The following AFDN variants were observed in gnomAD, a reference collection of about 807,000 sequenced individuals.
AFDN encodes the protein afadin, adherens junction formation factor.
In AFDN, 68 loss-of-function variants were observed where a neutral mutation model predicts 216.6. That is an observed-to-expected ratio of 0.31 (90% confidence interval 0.26 to 0.38). The LOEUF is 0.38. Among genes scored for constraint, AFDN ranks in the 10% least tolerant of loss-of-function variants. The pLI is 1.00. For synonymous variants in AFDN, 868 were observed against 853.7 expected (o/e 1.02, Z -0.29); for missense variants, 2,136 against 2,342.0 (o/e 0.91, Z 1.82).
intron 1 of AFDN, among the ~76,000 whole-genome samples, chr6:167,844,383 T>A (rs1022297898): frequency 6.6e-6 from 1 of 152,216 alleles, no homozygotes; most frequent in Non-Finnish European, 1.5e-5. Context: ...TATACACTTT[T>A]CTGCAACATG....
intron 1 of AFDN, among the ~76,000 whole-genome samples, chr6:167,858,571 G>A (rs9505709): frequency 0.2 from 30,812 of 152,174 alleles, 3,524 homozygotes; most frequent in Middle Eastern, 0.28. Flanking sequence ...GCATTAAGAT[G>A]TACTTCTAGT....
At chr6:167,853,713 T>C (rs1782571033) in intron 1 of AFDN, among the ~76,000 whole-genome samples, 1 of 152,104 alleles carries the variant, frequency 6.6e-6, no homozygotes, top group South Asian at 2.1e-4. Context: ...TCCTGTCTTT[T>C]CATATAATAG....
intron 20 of AFDN, 108 bp downstream of exon 20, chr6:167,917,340 C>A (rs1317562379): frequency 2.6e-6 from 3 of 1,176,358 alleles, no homozygotes; most frequent in Non-Finnish European, 2.3e-6. Context: ...CTTATTTATT[C>A]TCATCTTACA....
intron 18 of AFDN, among the ~76,000 whole-genome samples, 187 bp downstream of exon 18, chr6:167,914,925 A>G (rs1790851626): frequency 6.6e-6 from 1 of 152,236 alleles, no homozygotes. Context: ...TTGGTGTGTC[A>G]TGCTGGCCAT....
In AFDN at chr6:167,870,502, G is replaced by A; in HGVS notation, c.414+4G>A. The stretch of plus-strand genomic sequence containing the variant: ...GAATGACGCCATTCCTCCTAAGGTA[G>A]GAACCCTCAGTATTTTATGACGGTC... On this transcript the variant is annotated splice_donor_region_variant and intron_variant, in intron 3 of 33. Transcript: ENST00000683244. 6.4e-7 allele frequency: 1 copy of A among 1,573,566 alleles called. No homozygotes were observed.
intron 1 of AFDN, among the ~76,000 whole-genome samples, chr6:167,839,177 CATTTT>C (rs1780776716): frequency 6.6e-6 from 1 of 152,056 alleles, no homozygotes; most frequent in African/African-American, 2.4e-5. Flanking sequence ...GCATCTTAGA[CATTTT>C]ATTTTAGTAT....
At chr6:167,876,198 G>T (rs1785360641) in intron 5 of AFDN, among the ~76,000 whole-genome samples, 1 of 152,084 alleles carries the variant, frequency 6.6e-6, no homozygotes, top group Non-Finnish European at 1.5e-5. Context: ...GGGAACGTTG[G>T]CCCACCCTAG....
At chr6:167,879,177 T>A (rs1785802316) in intron 5 of AFDN, among the ~76,000 whole-genome samples, 1 of 152,154 alleles carries the variant, frequency 6.6e-6, no homozygotes, top group Non-Finnish European at 1.5e-5. Flanking sequence ...ATGGTAAAGA[T>A]GTGCTGCAAC....
chr6:167,834,993 G>A (rs1780260881), intron 1 of AFDN, among the ~76,000 whole-genome samples: 1 of 152,070 alleles, frequency 6.6e-6, no homozygotes, highest in Non-Finnish European at 1.5e-5. Context: ...TCTCAAAAAA[G>A]AAAAACATTT....
At chr6:167,842,608 A>G (rs1781197570) in intron 1 of AFDN, among the ~76,000 whole-genome samples, 2 of 152,058 alleles carry the variant, frequency 1.3e-5, no homozygotes, top group African/African-American at 2.4e-5. Context: ...GGTAGCTGCT[A>G]TTTACTGGGC....
Position 167,922,874 on chromosome 6 carries a change from C to T in AFDN, c.2927C>T (p.Pro976Leu), listed in dbSNP as rs768531974. 1.1e-5 allele frequency: 17 copies of T among 1,612,078 alleles called. No individual in the cohort carries two copies. The South Asian group carries it at 1.4e-4, about 14-fold the overall frequency. ...TCCTTAGGATTTTGCAGGTTAATTC[C>T]TCACACACGTTCACCAGGTACTTGG... is the stretch of plus-strand genomic sequence containing the variant. The part of the protein sequence containing the change: ...LCQRGFCRLI[P>L]HTRSPGTWTI... The change falls in exon 22 of 34, where the codon CCT becomes CTT. Residue 976 changes from proline (P) to leucine (L), a missense_variant. This residue lies in a region of AFDN where 162 missense variants were observed against 182.6 expected (regional missense o/e 0.89). Coordinates refer to ENST00000683244, the MANE Select transcript of AFDN (RefSeq NM_001386888.1).
At chr6:167,869,989 C>A (rs969012909) in intron 2 of AFDN, among the ~76,000 whole-genome samples, 5 of 146,238 alleles carry the variant, frequency 3.4e-5, no homozygotes, top group African/African-American at 7.3e-5. Context: ...TGAGAACAAT[C>A]TCATAGAATC....
rs1342619025 is a variant in AFDN at position 167,963,970 on chromosome 6, A to G, written c.4968+1403A>G. ...CAGGCCGTGCACAGTGCCCATTGCT[A>G]TAGCTGGGCCCAGTCCTGGCCACGC... On this transcript the variant is annotated intron_variant, in intron 31 of 33. Coordinates refer to ENST00000683244, the MANE Select transcript of AFDN (RefSeq NM_001386888.1). 6 of 1,064,214 alleles carry G rather than the reference A, an allele frequency of 5.6e-6. No homozygotes were observed. In the African/African-American group the frequency reaches 8.2e-5, roughly 15 times the overall value. The allele number at this position is 1,064,214 out of a possible 1,614,324, so 65.9% of individuals were successfully genotyped here.
Position 167,875,346 on chromosome 6 carries a change from G to T in AFDN, c.590G>T (p.Arg197Leu), listed in dbSNP as rs1159505989. ...TTTTTTTCTTACAGTGAAAATTCTC[G>T]ACTGGCTGCTGAGGTTTACAAAGAC... ...PFQGEDVENS[R>L]LAAEVYKDMP... The change falls in exon 5 of 34, where the codon CGA becomes CTA. Residue 197 changes from arginine to leucine, a missense_variant. Coordinates refer to ENST00000683244, the MANE Select transcript of AFDN (RefSeq NM_001386888.1). The T allele has an allele frequency of 3.1e-6, 5 of 1,601,976 alleles. No individual in the cohort carries two copies. Among genetic ancestry groups the T allele is most frequent in the African/African-American group, 2.7e-5 (2 of 73,946 alleles).
At chr6:167,870,846 A>G (rs1784708371) in intron 3 of AFDN, among the ~76,000 whole-genome samples, 1 of 152,168 alleles carries the variant, frequency 6.6e-6, no homozygotes, top group Admixed American at 6.5e-5. Context: ...TAACGCTTTT[A>G]TATCTATTTG....
intron 6 of AFDN, among the ~76,000 whole-genome samples, chr6:167,885,596 A>G (rs886683488): frequency 2.0e-5 from 3 of 152,252 alleles, no homozygotes; most frequent in Non-Finnish European, 2.9e-5. Context: ...ACCCCAAAAC[A>G]TTAGTAACAT....
intron 1 of AFDN, among the ~76,000 whole-genome samples, chr6:167,833,345 A>G (rs1009098214): frequency 6.6e-6 from 1 of 152,174 alleles, no homozygotes; most frequent in Admixed American, 6.5e-5. Context: ...AGAATAGAAG[A>G]AAGGTTGACC....
chr6:167,870,358 C>A (rs1784660902), intron 2 of AFDN, 28 bp from the exon 3 acceptor site: 1 of 1,429,214 alleles, frequency 7.0e-7, no homozygotes, highest in Non-Finnish European at 9.7e-7. Context: ...ATAGCTTATT[C>A]TTTTTTTCAT....
chr6:167,876,671 T>G (rs904547912), intron 5 of AFDN, among the ~76,000 whole-genome samples: 3 of 152,242 alleles, frequency 2.0e-5, no homozygotes, highest in Non-Finnish European at 4.4e-5. Context: ...TGAGTCATGG[T>G]AAACATAGCT....
Sources: gnomAD v4.1 joint callset for allele counts (sites outside exome capture counted in the v4.1 genomes callset) on GRCh38, gnomAD v4.1.1 for gene constraint, gnomAD v4.1.1 regional missense constraint, MANE v1.5 for transcripts, NCBI Gene and HGNC (gene_info 2026-07-23, HGNC 2026-07-21) for gene names.